ABTB3: variants seen among roughly 807,000 people sequenced by gnomAD.
The protein encoded by ABTB3 is ankyrin repeat and BTB domain containing 3.
At chr12:107,437,169 A>C in the ABTB3 span, among the ~76,000 whole-genome samples, 16 of 152,150 alleles carry the variant, frequency 1.1e-4, no homozygotes, top group African/African-American at 3.6e-4. Context: ...CCACAAACTC[A>C]GTGGCTTAAA....
At chr12:107,450,607 A>G in the ABTB3 span, among the ~76,000 whole-genome samples, 87 of 152,292 alleles carry the variant, frequency 5.7e-4, no homozygotes, top group East Asian at 0.016. Flanking sequence ...TGTTGCCCAT[A>G]AAGTGGACAG....
the ABTB3 span, among the ~76,000 whole-genome samples, chr12:107,507,388 G>A: frequency 2.6e-5 from 4 of 152,124 alleles, no homozygotes; most frequent in Non-Finnish European, 5.9e-5. Context: ...GATATGGGGC[G>A]ATGCACTGGT....
At chr12:107,619,388 G>C in the ABTB3 span, among the ~76,000 whole-genome samples, 1 of 152,200 alleles carries the variant, frequency 6.6e-6, no homozygotes, top group Non-Finnish European at 1.5e-5. Flanking sequence ...TGGAAATGTT[G>C]TTTTGCACAG....
the ABTB3 span, among the ~76,000 whole-genome samples, chr12:107,575,788 T>C: frequency 6.6e-6 from 1 of 152,206 alleles, no homozygotes; most frequent in Non-Finnish European, 1.5e-5. Context: ...CTGAACTTAA[T>C]CACACGTGCA....
At chr12:107,581,360 C>G in the ABTB3 span, 2 of 1,253,612 alleles carry the variant, frequency 1.6e-6, no homozygotes, top group African/African-American at 1.6e-5. Context: ...GGCCTCGCAG[C>G]CTCCACCCCT....
At chr12:107,415,779 T>C in the ABTB3 span, among the ~76,000 whole-genome samples, 1 of 151,994 alleles carries the variant, frequency 6.6e-6, no homozygotes. Flanking sequence ...TTAGAACACT[T>C]GTCTAGGCCT....
the ABTB3 span, among the ~76,000 whole-genome samples, chr12:107,445,786 G>A: frequency 6.9e-4 from 105 of 151,736 alleles, no homozygotes; most frequent in African/African-American, 2.2e-3. Context: ...CTTTTTGAAC[G>A]TATAAAGGCC....
At chr12:107,608,438 T>C in the ABTB3 span, among the ~76,000 whole-genome samples, 1 of 152,174 alleles carries the variant, frequency 6.6e-6, no homozygotes, top group Non-Finnish European at 1.5e-5. Context: ...TTACCTCAGC[T>C]TCTGCCTAGA....
chr12:107,438,751 C>T, the ABTB3 span, among the ~76,000 whole-genome samples: 1 of 152,040 alleles, frequency 6.6e-6, no homozygotes, highest in African/African-American at 2.4e-5. Flanking sequence ...GCTGAAGATG[C>T]GATGCAAGGA....
the ABTB3 span, among the ~76,000 whole-genome samples, chr12:107,426,882 C>T: frequency 1.3e-5 from 2 of 152,188 alleles, no homozygotes; most frequent in African/African-American, 4.8e-5. Context: ...CCCACTGCTA[C>T]TGCCTTCCCT....
the ABTB3 span, among the ~76,000 whole-genome samples, chr12:107,446,139 C>T: frequency 2.6e-5 from 4 of 152,042 alleles, no homozygotes; most frequent in Non-Finnish European, 5.9e-5. Context: ...TGGGAAGGCA[C>T]TGAGGCAGGG....
chr12:107,437,712 T>C, the ABTB3 span, among the ~76,000 whole-genome samples: 1 of 152,208 alleles, frequency 6.6e-6, no homozygotes, highest in African/African-American at 2.4e-5. Flanking sequence ...GGAGCCATCA[T>C]GCCCAGCCTG....
the ABTB3 span, among the ~76,000 whole-genome samples, chr12:107,583,392 A>C: frequency 6.6e-6 from 1 of 152,130 alleles, no homozygotes; most frequent in Non-Finnish European, 1.5e-5. Context: ...GTGCTGCCCC[A>C]TTTTACAGAG....
At chr12:107,534,053 G>A in the ABTB3 span, among the ~76,000 whole-genome samples, 1 of 152,190 alleles carries the variant, frequency 6.6e-6, no homozygotes, top group East Asian at 1.9e-4. Context: ...AAATTAAAGA[G>A]CCAGCCACAG....
At chr12:107,532,029 T>A in the ABTB3 span, among the ~76,000 whole-genome samples, 4 of 151,934 alleles carry the variant, frequency 2.6e-5, no homozygotes, top group Admixed American at 2.6e-4. Flanking sequence ...AAGCACACAC[T>A]CCCCAGTACC....
the ABTB3 span, among the ~76,000 whole-genome samples, chr12:107,431,897 T>C: frequency 2.0e-5 from 3 of 152,168 alleles, no homozygotes; most frequent in East Asian, 3.9e-4. Flanking sequence ...GCCTGGCCCA[T>C]GGAACATGGG....
chr12:107,412,372 A>T, the ABTB3 span, among the ~76,000 whole-genome samples: 2 of 152,164 alleles, frequency 1.3e-5, no homozygotes, highest in Non-Finnish European at 2.9e-5. Flanking sequence ...TGACTGTCGG[A>T]TATTATTCAT....
chr12:107,331,661 C>T, the ABTB3 span, among the ~76,000 whole-genome samples: 2 of 152,206 alleles, frequency 1.3e-5, no homozygotes, highest in Admixed American at 6.5e-5. Context: ...TGGAGCTCCT[C>T]CTTCCCACCC....
At chr12:107,442,905 G>A in the ABTB3 span, among the ~76,000 whole-genome samples, 2 of 152,168 alleles carry the variant, frequency 1.3e-5, no homozygotes, top group Non-Finnish European at 2.9e-5. Context: ...CAATTCTGAA[G>A]TCCAGGATCA....
Sources: gnomAD v4.1 joint callset for allele counts (sites outside exome capture counted in the v4.1 genomes callset) on GRCh38, gnomAD v4.1.1 for gene constraint, MANE v1.5 for transcripts, NCBI Gene and HGNC (gene_info 2026-07-23, HGNC 2026-07-21) for gene names.